Variants in MTUS2 observed in about 807,000 individuals in gnomAD.
MTUS2 encodes microtubule associated scaffold protein 2, also known as microtubule-associated tumor suppressor candidate 2.
MTUS2 carries 40 observed loss-of-function variants against 114.1 expected under a neutral mutation model. The observed-to-expected ratio is 0.35, with a 90% CI of 0.27 to 0.46. MTUS2 has a LOEUF of 0.46. Among genes scored for constraint, MTUS2 ranks in the 20% least tolerant of loss-of-function variants. The pLI is 1.00. For missense variants in MTUS2, 1,679 were observed against 1,705.4 expected (o/e 0.98, Z 0.27); for synonymous variants, 688 against 672.0 (o/e 1.02, Z -0.37).
At chr13:29,241,830 C>G (rs576509447) in intron 5 of MTUS2, among the ~76,000 whole-genome samples, 2 of 152,150 alleles carry the variant, frequency 1.3e-5, no homozygotes, top group African/African-American at 4.8e-5. Flanking sequence ...TACGTTCTGG[C>G]AGTCTGTCCA....
At chr13:29,337,196 A>G (rs530081202) in intron 7 of MTUS2, among the ~76,000 whole-genome samples, 14 of 152,142 alleles carry the variant, frequency 9.2e-5, no homozygotes, top group African/African-American at 3.4e-4. Context: ...CATATGAAAA[A>G]AAAAAAACTC....
chr13:28,945,019 A>G, intron 2 of MTUS2, among the ~76,000 whole-genome samples: 1 of 151,820 alleles, frequency 6.6e-6, no homozygotes, highest in East Asian at 1.9e-4. Context: ...ATCATTCCAC[A>G]CTCTGTGTCC....
At chr13:29,246,907 AAAAC>A (rs1231144646) in intron 5 of MTUS2, among the ~76,000 whole-genome samples, 1 of 152,150 alleles carries the variant, frequency 6.6e-6, no homozygotes, top group Non-Finnish European at 1.5e-5. Flanking sequence ...AAAAAAAAAA[AAAAC>A]AATTCAAAAA....
intron 5 of MTUS2, among the ~76,000 whole-genome samples, chr13:29,274,238 CGAGTAGCTGA>C (rs1243156891): frequency 6.6e-6 from 1 of 151,924 alleles, no homozygotes; most frequent in Admixed American, 6.6e-5. Flanking sequence ...CTCAGCCTCC[CGAGTAGCTGA>C]GACTACAGGT....
At chr13:28,949,701 A>G (rs73439432) in intron 2 of MTUS2, among the ~76,000 whole-genome samples, 1,603 of 152,298 alleles carry the variant, frequency 0.011, 27 homozygotes, top group African/African-American at 0.036. Flanking sequence ...AGGTAGAATC[A>G]TACAATATTG....
chr13:29,206,917 T>C (rs1012781192), intron 5 of MTUS2, among the ~76,000 whole-genome samples: 3 of 152,186 alleles, frequency 2.0e-5, no homozygotes, highest in Admixed American at 6.5e-5. Flanking sequence ...ATATGAATTT[T>C]AGAATTGTTT....
chr13:28,995,377 A>G (rs528451387), intron 2 of MTUS2, among the ~76,000 whole-genome samples: 1 of 152,330 alleles, frequency 6.6e-6, no homozygotes, highest in East Asian at 1.9e-4. Flanking sequence ...TGACTTGGCA[A>G]TGAGGGCTCT....
At chr13:29,135,249 T>C (rs916251345) in intron 5 of MTUS2, among the ~76,000 whole-genome samples, 1 of 152,230 alleles carries the variant, frequency 6.6e-6, no homozygotes, top group Non-Finnish European at 1.5e-5. Context: ...AATATAGGAA[T>C]GTATTCCCCA....
intron 6 of MTUS2, among the ~76,000 whole-genome samples, chr13:29,299,038 G>A (rs1226811998): frequency 6.6e-6 from 1 of 152,208 alleles, no homozygotes; most frequent in Admixed American, 6.5e-5. Flanking sequence ...GGGGGTAGAA[G>A]AGTTTGTAGG....
At chr13:29,402,789 C>T (rs1250687343) in intron 8 of MTUS2, among the ~76,000 whole-genome samples, 1 of 152,150 alleles carries the variant, frequency 6.6e-6, no homozygotes, top group African/African-American at 2.4e-5. Flanking sequence ...GATGGAGTCT[C>T]GCTCTGTCAC....
chr13:28,895,877 C>G (rs2082765239), intron 2 of MTUS2, among the ~76,000 whole-genome samples: 1 of 152,168 alleles, frequency 6.6e-6, no homozygotes, highest in South Asian at 2.1e-4. Flanking sequence ...AGTGGTAATT[C>G]TGTGAGATGG....
intron 2 of MTUS2, among the ~76,000 whole-genome samples, chr13:28,867,628 A>G (rs1204604146): frequency 6.6e-6 from 1 of 152,224 alleles, no homozygotes; most frequent in African/African-American, 2.4e-5. Flanking sequence ...ATCTGTGGGT[A>G]TGGGTTTTCT....
In MTUS2 at chr13:29,315,950, AT is replaced by A. The variant is rs570597170; in HGVS notation, c.2807-8662del. On this transcript the variant is annotated intron_variant, in intron 6 of 15. Coordinates refer to ENST00000612955, the MANE Select transcript of MTUS2 (RefSeq NM_001033602.4). Reference sequence around the variant, plus strand: ...TAAGGTGATGACAAGGTCCATGGTGATGCCCAGGGTCTTGATTCAGGGTGCC... The same window carrying A: ...TAAGGTGATGACAAGGTCCATGGTGAGCCCAGGGTCTTGATTCAGGGTGCC... Among the ~76,000 whole-genome samples, 285 of 152,298 alleles carry A rather than the reference AT, an allele frequency of 1.9e-3. 1 individual carries two copies. Among genetic ancestry groups the A allele is most frequent in the African/African-American group, 6.4e-3 (264 of 41,558 alleles).
intron 1 of MTUS2, among the ~76,000 whole-genome samples, chr13:28,834,486 TA>T (rs1364869166): frequency 6.6e-6 from 1 of 152,150 alleles, no homozygotes. Context: ...TGCCTATGTG[TA>T]AAAGGATGAA....
At chr13:29,383,552 T>G (rs1438491148) in intron 8 of MTUS2, among the ~76,000 whole-genome samples, 3 of 152,124 alleles carry the variant, frequency 2.0e-5, no homozygotes, top group African/African-American at 7.2e-5. Flanking sequence ...GTCTTCTGAT[T>G]TGAGTAAAAA....
At chr13:28,919,778 C>T (rs1012110518) in intron 2 of MTUS2, among the ~76,000 whole-genome samples, 6 of 152,034 alleles carry the variant, frequency 3.9e-5, no homozygotes, top group African/African-American at 1.2e-4. Flanking sequence ...CTTTCATTTC[C>T]TCTGACTGTA....
chr13:28,866,515 G>T (rs966630682), intron 2 of MTUS2, among the ~76,000 whole-genome samples: 25 of 152,098 alleles, frequency 1.6e-4, no homozygotes, highest in African/African-American at 5.3e-4. Flanking sequence ...GAAATATTCT[G>T]TATCTAAATA....
intron 8 of MTUS2, among the ~76,000 whole-genome samples, chr13:29,419,167 C>CA: frequency 6.6e-6 from 1 of 152,192 alleles, no homozygotes; most frequent in Non-Finnish European, 1.5e-5. Flanking sequence ...TTTGGAATGT[C>CA]ATGCCCCTCC....
chr13:28,864,948 TAG>T (rs1484339922), intron 2 of MTUS2, among the ~76,000 whole-genome samples: 1 of 152,366 alleles, frequency 6.6e-6, no homozygotes, highest in Non-Finnish European at 1.5e-5. Flanking sequence ...TTTTGTTTAG[TAG>T]AGACATAGCA....
Sources: allele counts gnomAD v4.1 joint callset (sites outside exome capture counted in the v4.1 genomes callset), GRCh38; gene constraint gnomAD v4.1.1; transcripts MANE v1.5; gene names NCBI Gene and HGNC (gene_info 2026-07-23, HGNC 2026-07-21).